Variants in NALF1 observed in about 807,000 individuals in gnomAD.
NALF1 encodes the protein NALCN channel auxiliary factor 1, also known as family with sequence similarity 155 member A.
A neutral mutation model predicts 48.4 loss-of-function variants in NALF1; 3 were observed. That is an observed-to-expected ratio of 0.06 (90% confidence interval 0.03 to 0.16). The LOEUF is 0.16. NALF1 is among the 10% of genes least tolerant of loss of function. NALF1 has a pLI of 1.00. For missense variants in NALF1, 526 were observed against 571.5 expected (o/e 0.92, Z 0.81); for synonymous variants, 262 against 245.7 (o/e 1.07, Z -0.62).
At chr13:107,695,561 C>T (rs1446836206) in intron 1 of NALF1, among the ~76,000 whole-genome samples, 1 of 152,174 alleles carries the variant, frequency 6.6e-6, no homozygotes, top group Non-Finnish European at 1.5e-5. Context: ...AATTTTTGTG[C>T]TTGTTCAAAG....
chr13:107,858,578 C>T lies in NALF1; in HGVS notation c.915+7104G>A, dbSNP rs534842959. On this transcript the variant is annotated intron_variant, in intron 1 of 2. Transcript: ENST00000375915. ...TGAGGCACACCTGTAATCCCAGCTA[C>T]TCAGTGGGCTGAGGCATAAAAATCA... 8.5e-4 allele frequency among the ~76,000 whole-genome samples: 129 copies of T among 152,278 alleles called. No homozygotes were observed. The Middle Eastern group carries it at 0.037, about 44-fold the overall frequency.
At chr13:107,594,911 G>A (rs1421650427) in intron 1 of NALF1, among the ~76,000 whole-genome samples, 2 of 151,738 alleles carry the variant, frequency 1.3e-5, no homozygotes, top group African/African-American at 4.8e-5. Flanking sequence ...AAATAGAAAA[G>A]GAAAAAAGAA....
At chr13:107,573,992 T>C (rs146726637) in intron 1 of NALF1, among the ~76,000 whole-genome samples, 2 of 152,276 alleles carry the variant, frequency 1.3e-5, no homozygotes, top group Non-Finnish European at 2.9e-5. Flanking sequence ...CCATCGCTCT[T>C]TCTTGCTACA....
intron 1 of NALF1, among the ~76,000 whole-genome samples, chr13:107,284,948 AC>A (rs77038794): frequency 0.073 from 11,154 of 152,206 alleles, 758 homozygotes; most frequent in East Asian, 0.34. Context: ...TAATACAATA[AC>A]CAAATAGAAA....
chr13:107,273,664 C>A (rs897001120), intron 1 of NALF1, among the ~76,000 whole-genome samples: 1 of 152,156 alleles, frequency 6.6e-6, no homozygotes, highest in Admixed American at 6.5e-5. Flanking sequence ...TTCTATAGCA[C>A]ATATATCAGG....
chr13:107,376,351 T>C (rs1054504677), intron 1 of NALF1, among the ~76,000 whole-genome samples: 1 of 152,196 alleles, frequency 6.6e-6, no homozygotes, highest in African/African-American at 2.4e-5. Context: ...AAGAAGAATT[T>C]ACACGTTTCC....
intron 1 of NALF1, among the ~76,000 whole-genome samples, chr13:107,535,868 C>T (rs1039138432): frequency 1.3e-5 from 2 of 152,046 alleles, no homozygotes; most frequent in African/African-American, 2.4e-5. Flanking sequence ...GGTACTGGTA[C>T]CAAAACAGAG....
intron 1 of NALF1, among the ~76,000 whole-genome samples, chr13:107,727,158 C>T (rs373207383): frequency 2.8e-4 from 43 of 151,662 alleles, no homozygotes; most frequent in Middle Eastern, 3.4e-3. Context: ...GGCACAGACT[C>T]GAGACCAGTG....
chr13:107,221,822 C>A (rs1401224610), intron 1 of NALF1, among the ~76,000 whole-genome samples: 20 of 152,098 alleles, frequency 1.3e-4, no homozygotes, highest in African/African-American at 4.3e-4. Flanking sequence ...GTGTTTTATT[C>A]TATACCAGTT....
intron 1 of NALF1, among the ~76,000 whole-genome samples, chr13:107,633,152 A>G (rs537968059): frequency 5.1e-4 from 78 of 152,276 alleles, no homozygotes; most frequent in African/African-American, 1.7e-3. Flanking sequence ...TGAAATAAAC[A>G]TGCTTTTATA....
intron 1 of NALF1, among the ~76,000 whole-genome samples, chr13:107,684,065 C>A (rs944382583): frequency 1.3e-5 from 2 of 152,212 alleles, no homozygotes; most frequent in African/African-American, 2.4e-5. Context: ...GGCACCTGCA[C>A]CTCAGGCCAC....
chr13:107,443,884 C>T (rs1884606590), intron 1 of NALF1, among the ~76,000 whole-genome samples: 2 of 152,098 alleles, frequency 1.3e-5, no homozygotes, highest in South Asian at 4.1e-4. Flanking sequence ...AGCAGTTCTT[C>T]TGATAATATA....
intron 1 of NALF1, among the ~76,000 whole-genome samples, chr13:107,405,912 A>G (rs1883890259): frequency 6.6e-6 from 1 of 152,104 alleles, no homozygotes; most frequent in East Asian, 1.9e-4. Context: ...CAATTAGCAA[A>G]TTCAGCCAAT....
chr13:107,493,141 T>A (rs1875202163), intron 1 of NALF1, among the ~76,000 whole-genome samples: 1 of 152,158 alleles, frequency 6.6e-6, no homozygotes, highest in Non-Finnish European at 1.5e-5. Flanking sequence ...TTTCCATACA[T>A]TTTATGTGTG....
chr13:107,507,710 A>G (rs1212136684), intron 1 of NALF1, among the ~76,000 whole-genome samples: 1 of 151,616 alleles, frequency 6.6e-6, no homozygotes, highest in African/African-American at 2.4e-5. Context: ...ACATTGTCTC[A>G]GCCTCTTAAT....
In NALF1 at chr13:107,164,400, TTTAA is replaced by T. The variant is rs1343027047; in HGVS notation, c.*6093_*6096del. 1.4e-4 allele frequency: 21 copies of T among 152,220 alleles called. No individual in the cohort carries two copies. The highest frequency in any genetic ancestry group is 2.5e-4 in the Non-Finnish European group (17 of 68,022). The allele number at this position is 152,220 out of a possible 1,614,324, so 9.4% of individuals were successfully genotyped here. On this transcript the variant is annotated 3_prime_UTR_variant, in exon 3 of 3. Coordinates refer to ENST00000375915, the MANE Select transcript of NALF1 (RefSeq NM_001080396.3). ...TTAATTAAAATATATATTAATTCAGTTTAATTAATTTTCATAATAAATGTTCCAA... is the reference window on the plus strand; with the variant it reads ...TTAATTAAAATATATATTAATTCAGTTTAATTTTCATAATAAATGTTCCAA...
At chr13:107,250,022 G>A (rs1880665260) in intron 1 of NALF1, among the ~76,000 whole-genome samples, 1 of 151,416 alleles carries the variant, frequency 6.6e-6, no homozygotes, top group Non-Finnish European at 1.5e-5. Flanking sequence ...AATTAAAACA[G>A]ATTCTCTAGG....
At chr13:107,411,812 G>C in intron 1 of NALF1, among the ~76,000 whole-genome samples, 1 of 152,150 alleles carries the variant, frequency 6.6e-6, no homozygotes, top group East Asian at 1.9e-4. Flanking sequence ...GTTGAGACCA[G>C]GACCCGGTAA....
At chr13:107,694,313 C>T (rs1296812007) in intron 1 of NALF1, among the ~76,000 whole-genome samples, 2 of 90,818 alleles carry the variant, frequency 2.2e-5, no homozygotes, top group East Asian at 5.4e-4. Flanking sequence ...CTGCTTTATA[C>T]ATTTTTTTTT....
Sources: allele counts gnomAD v4.1 joint callset (sites outside exome capture counted in the v4.1 genomes callset), GRCh38; gene constraint gnomAD v4.1.1; transcripts MANE v1.5; gene names NCBI Gene and HGNC (gene_info 2026-07-23, HGNC 2026-07-21).